Variants in IGF1R observed in about 807,000 individuals in gnomAD.
IGF1R encodes insulin-like growth factor 1 receptor.
In IGF1R, 44 loss-of-function variants were observed where a neutral mutation model predicts 144.6. That is an observed-to-expected ratio of 0.30 (90% confidence interval 0.24 to 0.39). The LOEUF (loss-of-function observed/expected upper bound fraction) is 0.39. Ranked by LOEUF, IGF1R falls within the 10% of genes least tolerant of loss-of-function variation. The pLI, the probability that IGF1R is intolerant of heterozygous loss-of-function variation, is 1.00. For missense variants in IGF1R, 1,355 were observed against 1,833.7 expected (o/e 0.74, Z 4.77); for synonymous variants, 795 against 722.8 (o/e 1.10, Z -1.60).
At chr15:98,921,208 T>G (rs1226061233) in intron 10 of IGF1R, among the ~76,000 whole-genome samples, 1 of 152,196 alleles carries the variant, frequency 6.6e-6, no homozygotes, top group Admixed American at 6.5e-5. Context: ...ATCTGGGTGC[T>G]CCTCTCGTAT....
At chr15:98,772,510 A>ATTATTATTATTATTG (rs60796484) in intron 2 of IGF1R, among the ~76,000 whole-genome samples, 26,442 of 141,718 alleles carry the variant, frequency 0.19, 2,801 homozygotes, top group Admixed American at 0.28. Flanking sequence ...TATTATTATT[A>ATTATTATTATTATTG]TTATTTTAAG....
intron 2 of IGF1R, among the ~76,000 whole-genome samples, chr15:98,769,857 G>A (rs1194227491): frequency 6.6e-6 from 1 of 152,112 alleles, no homozygotes; most frequent in Non-Finnish European, 1.5e-5. Flanking sequence ...ACTTGTACAT[G>A]GCACATGCTC....
chr15:98,721,314 C>G (rs1368035136), intron 2 of IGF1R, among the ~76,000 whole-genome samples: 3 of 152,216 alleles, frequency 2.0e-5, no homozygotes, highest in Non-Finnish European at 4.4e-5. Context: ...ACTCCTCATT[C>G]ATCTCTCTCC....
intron 1 of IGF1R, among the ~76,000 whole-genome samples, chr15:98,650,316 C>T (rs1385564563): frequency 2.0e-5 from 3 of 152,188 alleles, no homozygotes; most frequent in African/African-American, 4.8e-5. Flanking sequence ...TGGCCTTGCC[C>T]GTCACTTTGG....
intron 2 of IGF1R, among the ~76,000 whole-genome samples, chr15:98,786,153 A>T (rs1280812963): frequency 1.3e-5 from 2 of 152,168 alleles, no homozygotes; most frequent in Admixed American, 1.3e-4. Flanking sequence ...AGGTCTACAG[A>T]TGAGTATTCA....
Position 98,896,863 on chromosome 15 carries a change from A to G in IGF1R, c.1060A>G (p.Thr354Ala). ...VTSAQMLQGC[T>A]IFKGNLLINI... ...TTCTGCTCAGATGCTCCAAGGATGC[A>G]CCATCTTCAAGGGCAATTTGCTCAT... Residue 354 changes from threonine to alanine, a missense_variant, in exon 4 of 21, where the codon ACC (threonine) becomes GCC (alanine). By Grantham distance (58) the Thr-to-Ala change is moderately conservative. Transcript: ENST00000650285. 1 of 1,614,148 alleles carries G rather than the reference A, an allele frequency of 6.2e-7. No individual in the cohort carries two copies. Among genetic ancestry groups the G allele is most frequent in the Non-Finnish European group, 8.5e-7 (1 of 1,180,002 alleles).
chr15:98,962,907 T>C lies in IGF1R; in HGVS notation c.*5465T>C, dbSNP rs539335731. Reference sequence around the variant, plus strand: ...AGTTGTCAGTTCTGGGGCATGACTTTAGCGTTTTGTTTCTGCGAGAACATA... The same window carrying C: ...AGTTGTCAGTTCTGGGGCATGACTTCAGCGTTTTGTTTCTGCGAGAACATA... On this transcript the variant is annotated 3_prime_UTR_variant, in exon 21 of 21. Coordinates refer to ENST00000650285, the MANE Select transcript of IGF1R (RefSeq NM_000875.5). 2 of 233,624 alleles carry C rather than the reference T, an allele frequency of 8.6e-6. No homozygotes were observed. The highest frequency in any genetic ancestry group is 1.7e-5 in the Non-Finnish European group (2 of 118,064). The allele number at this position is 233,624 out of a possible 1,614,324, so 14.5% of individuals were successfully genotyped here.
At chr15:98,950,260 G>A (rs1455156464) in intron 20 of IGF1R, among the ~76,000 whole-genome samples, 1 of 152,200 alleles carries the variant, frequency 6.6e-6, no homozygotes, top group Non-Finnish European at 1.5e-5. Flanking sequence ...AGATAGATAT[G>A]AACCAGACAT....
intron 1 of IGF1R, among the ~76,000 whole-genome samples, chr15:98,668,502 C>T (rs1759837029): frequency 6.6e-6 from 1 of 152,182 alleles, no homozygotes; most frequent in Admixed American, 6.5e-5. Context: ...TAACCAAATG[C>T]CTGAAATGTG....
At chr15:98,797,737 G>A (rs1427460524) in intron 2 of IGF1R, among the ~76,000 whole-genome samples, 2 of 152,198 alleles carry the variant, frequency 1.3e-5, no homozygotes, top group East Asian at 1.9e-4. Context: ...TTGTGCTGAC[G>A]TAGCTACTTG....
At chr15:98,747,658 A>AGGAGATTT (rs1449482710) in intron 2 of IGF1R, among the ~76,000 whole-genome samples, 1 of 152,190 alleles carries the variant, frequency 6.6e-6, no homozygotes, top group Admixed American at 6.5e-5. Flanking sequence ...GTGGATTAGA[A>AGGAGATTT]GGAGATTTGG....
At chr15:98,650,919 AGAACT>A in intron 1 of IGF1R, 3 of 984,912 alleles carry the variant, frequency 3.0e-6, no homozygotes, top group Non-Finnish European at 3.6e-6. Context: ...GCGGGGAGCG[AGAACT>A]CCCCCCGGTG....
intron 1 of IGF1R, among the ~76,000 whole-genome samples, chr15:98,671,739 CTG>C (rs1274018339): frequency 1.3e-5 from 2 of 152,144 alleles, no homozygotes; most frequent in African/African-American, 4.8e-5. Context: ...TTTGTAATGC[CTG>C]TAGACTTTTT....
chr15:98,668,796 G>A (rs917429291), intron 1 of IGF1R, among the ~76,000 whole-genome samples: 6 of 71,002 alleles, frequency 8.5e-5, no homozygotes, highest in African/African-American at 1.4e-4. Flanking sequence ...GCAGCTCCTC[G>A]TGACCCTCCA....
intron 1 of IGF1R, among the ~76,000 whole-genome samples, chr15:98,676,042 C>T (rs2053033904): frequency 6.6e-6 from 1 of 151,834 alleles, no homozygotes; most frequent in East Asian, 1.9e-4. Context: ...GTTGGCCTGG[C>T]TGGTGTTGAA....
At chr15:98,733,120 A>G in intron 2 of IGF1R, among the ~76,000 whole-genome samples, 1 of 152,168 alleles carries the variant, frequency 6.6e-6, no homozygotes, top group Admixed American at 6.5e-5. Context: ...GCTTCAGCAG[A>G]CCTTGGTGGC....
chr15:98,739,804 C>T (rs374392855), intron 2 of IGF1R, among the ~76,000 whole-genome samples: 18 of 152,288 alleles, frequency 1.2e-4, no homozygotes, highest in Non-Finnish European at 2.5e-4. Flanking sequence ...GTTGCCCAGG[C>T]TGTTCTCGAA....
At chr15:98,700,060 A>C (rs998527646) in intron 1 of IGF1R, among the ~76,000 whole-genome samples, 3 of 152,240 alleles carry the variant, frequency 2.0e-5, no homozygotes, top group Non-Finnish European at 2.9e-5. Flanking sequence ...TACACAGAAA[A>C]TTCTACTGTA....
At chr15:98,709,358 C>T (rs995134760) in intron 2 of IGF1R, among the ~76,000 whole-genome samples, 6 of 152,202 alleles carry the variant, frequency 3.9e-5, no homozygotes, top group Non-Finnish European at 8.8e-5. Flanking sequence ...TTCTATTCTG[C>T]AGAATTGGAT....
Sources: gnomAD v4.1 joint callset for allele counts (sites outside exome capture counted in the v4.1 genomes callset) on GRCh38, gnomAD v4.1.1 for gene constraint, MANE v1.5 for transcripts, NCBI Gene and HGNC (gene_info 2026-07-23, HGNC 2026-07-21) for gene names.